The following MYO3A variants were observed in gnomAD, a reference collection of about 807,000 sequenced individuals.
MYO3A encodes the protein myosin-IIIa.
MYO3A carries 180 observed loss-of-function variants against 192.7 expected under a neutral mutation model. That is an observed-to-expected ratio of 0.93 (90% CI 0.83 to 1.06). MYO3A has a LOEUF of 1.06. MYO3A is among the 50% of genes least tolerant of loss of function. The pLI is 0.00. For synonymous variants in MYO3A, 628 were observed against 645.3 expected, an observed-to-expected ratio of 0.97 and a Z score of 0.41; for missense variants, 1,896 against 1,905.0, an observed-to-expected ratio of 1.00 and a Z score of 0.09.
chr10:26,037,347 T>G (rs957041121), intron 10 of MYO3A, among the ~76,000 whole-genome samples: 8 of 152,258 alleles, frequency 5.3e-5, no homozygotes, highest in Non-Finnish European at 1.2e-4. Context: ...ATAGAATGCC[T>G]TGATATGGCT....
chr10:26,202,091 T>C (rs533533922), intron 33 of MYO3A, among the ~76,000 whole-genome samples: 1 of 152,362 alleles, frequency 6.6e-6, no homozygotes, highest in East Asian at 1.9e-4. Flanking sequence ...TCTCCTTTTC[T>C]TATATTTCCC....
chr10:26,158,254 AT>A (rs71521668), intron 26 of MYO3A, among the ~76,000 whole-genome samples: 3,365 of 141,394 alleles, frequency 0.024, 59 homozygotes, highest in African/African-American at 0.056. Context: ...GTTTTATTTT[AT>A]TTTTTTTTTT....
At chr10:26,176,996 G>GT (rs1180132783) in intron 31 of MYO3A, 151 bp downstream of exon 31, 11 of 876,570 alleles carry the variant, frequency 1.3e-5, no homozygotes, top group African/African-American at 5.1e-5. Context: ...TGGAGATACA[G>GT]TTTTTTTAGG....
intron 4 of MYO3A, among the ~76,000 whole-genome samples, chr10:25,974,129 G>T (rs1480558619): frequency 1.3e-5 from 2 of 152,100 alleles, no homozygotes. Flanking sequence ...TACAGCAAAA[G>T]AAACTATCAT....
At chr10:26,210,151 AAAGG>A (rs895493570) in intron 34 of MYO3A, among the ~76,000 whole-genome samples, 14 of 145,534 alleles carry the variant, frequency 9.6e-5, no homozygotes, top group African/African-American at 3.4e-4. Context: ...AGGAAGGAAG[AAAGG>A]AAGGAAGGAA....
In MYO3A at chr10:26,173,967, G is replaced by A; in HGVS notation, c.3703G>A (p.Ala1235Thr). ...SNLRKVEKEE[A>T]MIQSYYQRYT... ...TCTAAGGAAAGTGGAGAAAGAGGAA[G>A]CTATGATCCAGAGTTACTATCAGAG... Residue 1235 changes from alanine (A) to threonine (T), a missense_variant, in exon 30 of 35, where the codon GCT (alanine) becomes ACT (threonine). Physicochemically the swap from Ala to Thr is moderately conservative, Grantham distance 58. Coordinates refer to ENST00000642920, the MANE Select transcript of MYO3A (RefSeq NM_017433.5). The A allele has an allele frequency of 6.2e-7, 1 of 1,607,622 alleles. No individual in the cohort carries two copies. The highest frequency in any genetic ancestry group is 1.1e-5 in the South Asian group (1 of 89,428).
intron 14 of MYO3A, among the ~76,000 whole-genome samples, chr10:26,081,133 T>TCCCCCCCCTTCCCCCC (rs1835906244): frequency 1.2e-5 from 1 of 84,938 alleles, no homozygotes; most frequent in African/African-American, 4.2e-5. Flanking sequence ...TATATGCCCT[T>TCCCCCCCCTTCCCCCC]CCCCCCCCCC....
chr10:26,114,628 G>A (rs1838395600), intron 17 of MYO3A, among the ~76,000 whole-genome samples: 2 of 152,180 alleles, frequency 1.3e-5, no homozygotes, highest in Admixed American at 6.5e-5. Context: ...ATGAGGCACA[G>A]ATTAAGAGAC....
chr10:26,054,700 G>T (rs1299822245), intron 10 of MYO3A, among the ~76,000 whole-genome samples: 2 of 152,190 alleles, frequency 1.3e-5, no homozygotes, highest in African/African-American at 2.4e-5. Context: ...GTTAGTGAGG[G>T]AGAAAACAAT....
chr10:26,064,482 G>A (rs1025611234), intron 10 of MYO3A, among the ~76,000 whole-genome samples: 3 of 152,280 alleles, frequency 2.0e-5, no homozygotes, highest in South Asian at 4.1e-4. Flanking sequence ...CCATGGTAAG[G>A]CATTGGATAT....
At chr10:25,950,289 A>C (rs1837126463) in intron 2 of MYO3A, among the ~76,000 whole-genome samples, 1 of 151,806 alleles carries the variant, frequency 6.6e-6, no homozygotes, top group African/African-American at 2.4e-5. Flanking sequence ...TTAAGGATTT[A>C]TTATTCCTTC....
chr10:26,029,446 T>G (rs1842709363), intron 10 of MYO3A, among the ~76,000 whole-genome samples: 1 of 152,258 alleles, frequency 6.6e-6, no homozygotes, highest in South Asian at 2.1e-4. Flanking sequence ...TGTCACCCAT[T>G]TATCAATCTC....
At chr10:26,132,683 G>C (rs1471330279) in intron 20 of MYO3A, among the ~76,000 whole-genome samples, 3 of 148,810 alleles carry the variant, frequency 2.0e-5, no homozygotes, top group Admixed American at 6.7e-5. Flanking sequence ...TTTTTTAAAT[G>C]AGCTATTACT....
At chr10:25,954,018 A>T (rs902333468) in intron 3 of MYO3A, among the ~76,000 whole-genome samples, 4 of 152,088 alleles carry the variant, frequency 2.6e-5, no homozygotes, top group African/African-American at 9.7e-5. Context: ...TTTTCAAGAG[A>T]GGAGTTGAAT....
intron 10 of MYO3A, among the ~76,000 whole-genome samples, chr10:26,046,901 A>C (rs1221545376): frequency 6.6e-6 from 1 of 152,236 alleles, no homozygotes; most frequent in Admixed American, 6.5e-5. Context: ...AGTTAGTATT[A>C]AAATATGCTC....
chr10:25,982,195 T>C (rs746880142), intron 4 of MYO3A, among the ~76,000 whole-genome samples: 1 of 152,058 alleles, frequency 6.6e-6, no homozygotes, highest in Non-Finnish European at 1.5e-5. Flanking sequence ...ATAACTCCAC[T>C]GGACTGGGAA....
chr10:26,187,544 G>A (rs1842924414), intron 31 of MYO3A, among the ~76,000 whole-genome samples: 1 of 151,772 alleles, frequency 6.6e-6, no homozygotes, highest in Non-Finnish European at 1.5e-5. Context: ...ACAACGTGCA[G>A]GTTTGTTACA....
At chr10:26,011,450 A>T (rs1045511133) in intron 6 of MYO3A, among the ~76,000 whole-genome samples, 11 of 148,928 alleles carry the variant, frequency 7.4e-5, no homozygotes, top group Non-Finnish European at 1.5e-4. Context: ...GTTTAAAAAA[A>T]AAGAAAATTA....
intron 20 of MYO3A, among the ~76,000 whole-genome samples, chr10:26,139,077 C>A (rs2131820970): frequency 6.6e-6 from 1 of 152,210 alleles, no homozygotes; most frequent in African/African-American, 2.4e-5. Flanking sequence ...GGTTTCAAAA[C>A]AATAATACTC....
Sources: gnomAD v4.1 joint callset for allele counts (sites outside exome capture counted in the v4.1 genomes callset) on GRCh38, gnomAD v4.1.1 for gene constraint, MANE v1.5 for transcripts, NCBI Gene and HGNC (gene_info 2026-07-23, HGNC 2026-07-21) for gene names.